The following RPS6KA2 variants were observed in gnomAD, a reference collection of about 807,000 sequenced individuals.
RPS6KA2 encodes the protein ribosomal protein S6 kinase alpha-2.
RPS6KA2 carries 42 observed loss-of-function variants against 91.8 expected under a neutral mutation model. The observed-to-expected ratio is 0.46, with a 90% CI of 0.36 to 0.59. The LOEUF (loss-of-function observed/expected upper bound fraction) is 0.59, where lower values mean the gene tolerates loss of function less well. Among genes scored for constraint, RPS6KA2 ranks in the 20% least tolerant of loss-of-function variants. RPS6KA2 has a pLI of 0.00. For synonymous variants in RPS6KA2, 414 were observed against 393.6 expected (o/e 1.05, Z -0.61); for missense variants, 798 against 978.5 (o/e 0.82, Z 2.46).
rs1466124609 is a variant in RPS6KA2, at chr6:166,418,908, GC to G, written c.1821-567del. Among the ~76,000 whole-genome samples the G allele has an allele frequency of 5.9e-5, 9 of 152,238 alleles. No individual in the cohort carries two copies. The highest frequency in any genetic ancestry group is 1.2e-4 in the Non-Finnish European group (8 of 68,038). On this transcript the variant is annotated intron_variant, in intron 18 of 20. Transcript: ENST00000265678. The surrounding 1 kb of genome is among the most constrained non-coding windows in gnomAD (Gnocchi z 4.9). ...CTAGGAAAGGAAGGACACGTGTGCTGCCAGCGCTTCCTCTAGTGGGAAAGTG... is the reference window on the plus strand; with the variant it reads ...CTAGGAAAGGAAGGACACGTGTGCTGCAGCGCTTCCTCTAGTGGGAAAGTG...
chr6:166,613,298 G>C (rs1306697244), intron 1 of RPS6KA2, among the ~76,000 whole-genome samples: 1 of 152,264 alleles, frequency 6.6e-6, no homozygotes, highest in East Asian at 1.9e-4. Context: ...AGAGCTAGGA[G>C]CAGTGCTGCT....
intron 3 of RPS6KA2, among the ~76,000 whole-genome samples, chr6:166,523,447 C>CG (rs1782925093): frequency 2.6e-5 from 4 of 152,202 alleles, no homozygotes; most frequent in Middle Eastern, 3.4e-3. Context: ...CTGGGGACCC[C>CG]AGGAGTTATC....
chr6:166,836,961 C>A (rs1780333819), intron 2 of RPS6KA2, among the ~76,000 whole-genome samples: 1 of 152,284 alleles, frequency 6.6e-6, no homozygotes, highest in Non-Finnish European at 1.5e-5. Flanking sequence ...CCCGCTCGGG[C>A]ACCTGCAGCT....
intron 2 of RPS6KA2, among the ~76,000 whole-genome samples, chr6:166,729,512 C>T (rs1455140751): frequency 2.0e-5 from 3 of 152,150 alleles, no homozygotes; most frequent in Non-Finnish European, 4.4e-5. Flanking sequence ...CTATACCCAG[C>T]TAATTTTTTT....
intron 2 of RPS6KA2, among the ~76,000 whole-genome samples, chr6:166,790,646 C>A (rs1178322740): frequency 6.6e-6 from 1 of 152,190 alleles, no homozygotes; most frequent in Non-Finnish European, 1.5e-5. Flanking sequence ...GGAAGCCCAT[C>A]ATACTAACAG....
At chr6:166,619,439 TAAC>T (rs1157213954) in intron 1 of RPS6KA2, among the ~76,000 whole-genome samples, 5 of 152,292 alleles carry the variant, frequency 3.3e-5, no homozygotes, top group African/African-American at 1.2e-4. Context: ...AGAGTTGCTT[TAAC>T]AAGTTACAGG....
Position 166,635,439 on chromosome 6 carries a change from G to A in RPS6KA2, c.124-96655C>T, listed in dbSNP as rs1379317565. ...ACGGGAGCCCCCAGAGGAGCCCTTA[G>A]TCTCGCAGATGACTGCTACATTCAC... On this transcript the variant is annotated intron_variant, in intron 2 of 21. Transcript: ENST00000503859. This position sits in a 1 kb window ranked among gnomAD's most constrained non-coding sequence, Gnocchi z 4.8. Among the ~76,000 whole-genome samples the A allele has an allele frequency of 6.6e-6, 1 of 152,240 alleles. No individual in the cohort carries two copies. Among genetic ancestry groups the A allele is most frequent in the Non-Finnish European group, 1.5e-5 (1 of 68,046 alleles).
upstream of RPS6KA2, chr6:166,627,658 A>T (rs1786945507): frequency 6.6e-6 from 1 of 152,180 alleles, no homozygotes; most frequent in Non-Finnish European, 1.5e-5. Context: ...GGCCCGGGAC[A>T]GCTCCCGGCC....
chr6:166,764,455 G>A (rs550177711), intron 2 of RPS6KA2, among the ~76,000 whole-genome samples: 6 of 152,074 alleles, frequency 3.9e-5, no homozygotes, highest in African/African-American at 1.4e-4. Flanking sequence ...CACGGGGCCC[G>A]CGCTTCCCTC....
intron 14 of RPS6KA2, among the ~76,000 whole-genome samples, chr6:166,441,474 A>G (rs1022684207): frequency 6.6e-6 from 1 of 152,246 alleles, no homozygotes; most frequent in African/African-American, 2.4e-5. Flanking sequence ...ACTCAGCTGC[A>G]CAGCCACCTC....
At position 166,552,549 on chromosome 6, in the gene RPS6KA2, C is replaced by T. The variant is rs3799628; in HGVS notation, c.100-13765G>A. Among the ~76,000 whole-genome samples, 408 of 152,116 alleles carry T rather than the reference C, an allele frequency of 2.7e-3. 4 individuals carry two copies. Among genetic ancestry groups the T allele is most frequent in the Admixed American group, 0.019 (292 of 15,286 alleles). On this transcript the variant is annotated intron_variant, in intron 1 of 20. Coordinates refer to ENST00000265678, the MANE Select transcript of RPS6KA2 (RefSeq NM_021135.6). Reference sequence around the variant, plus strand: ...TATAAAAGTTTTTTTTTTAAATCTACCCTAGCTTGAGGTTTGGTAAAATGC... The same window carrying T: ...TATAAAAGTTTTTTTTTTAAATCTATCCTAGCTTGAGGTTTGGTAAAATGC...
upstream of RPS6KA2, among the ~76,000 whole-genome samples, chr6:166,631,638 T>G (rs1345776356): frequency 6.6e-6 from 1 of 152,268 alleles, no homozygotes; most frequent in Non-Finnish European, 1.5e-5. Context: ...ACACAGATTT[T>G]TTTTCGTCCC....
chr6:166,800,791 A>G (rs1236416668), intron 2 of RPS6KA2, among the ~76,000 whole-genome samples: 1 of 152,114 alleles, frequency 6.6e-6, no homozygotes, highest in Admixed American at 6.5e-5. Flanking sequence ...CCTCAACTCA[A>G]TCGTTTCCTT....
chr6:166,453,392 C>T (rs536855457), intron 12 of RPS6KA2, among the ~76,000 whole-genome samples: 1 of 152,204 alleles, frequency 6.6e-6, no homozygotes, highest in Non-Finnish European at 1.5e-5. Context: ...CAAATAACCC[C>T]ATTAAAAATT....
At position 166,626,832 on chromosome 6, in the gene RPS6KA2, G is replaced by A; in HGVS notation, c.99+89C>T. 9.0e-7 allele frequency: 1 copy of A among 1,110,762 alleles called. No individual in the cohort carries two copies. Among genetic ancestry groups the A allele is most frequent in the East Asian group, 3.2e-5 (1 of 31,026 alleles). The allele number at this position is 1,110,762 out of a possible 1,614,324, so 68.8% of individuals were successfully genotyped here. A position where few individuals can be genotyped will look rare whatever the true frequency, so the allele number is the denominator to read the frequency against. ...AACTTGAACTCCCTGACGGGTCTCG[G>A]GGTCCACCCAGGGGTGGCGAGGCGG... On this transcript the variant is annotated intron_variant, in intron 1 of 20. Transcript: ENST00000265678. This position sits in a 1 kb window ranked among gnomAD's most constrained non-coding sequence, Gnocchi z 4.1.
exon 1 of RPS6KA2, chr6:166,862,483 C>A: frequency 1.3e-6 from 1 of 779,218 alleles, no homozygotes; most frequent in South Asian, 2.1e-5. Context: ...AAGGAGGGGA[C>A]GGCGCTGCGG....
chr6:166,770,846 A>T lies in RPS6KA2; in HGVS notation c.123+87354T>A. 6.3e-7 allele frequency: 1 copy of T among 1,582,112 alleles called. No individual in the cohort carries two copies. Among genetic ancestry groups the T allele is most frequent in the Non-Finnish European group, 8.5e-7 (1 of 1,175,522 alleles). On this transcript the variant is annotated intron_variant, in intron 2 of 21. Transcript: ENST00000503859. The surrounding 1 kb of genome is among the most constrained non-coding windows in gnomAD (Gnocchi z 5.1). Reference sequence around the variant, plus strand: ...CATAAGCATGGAAAAAAACAAACCCACAGGAACGCTTCTTACCTCTACGGA... The same window carrying T: ...CATAAGCATGGAAAAAAACAAACCCTCAGGAACGCTTCTTACCTCTACGGA...
chr6:166,574,206 G>A (rs1436391488), intron 1 of RPS6KA2, among the ~76,000 whole-genome samples: 2 of 152,186 alleles, frequency 1.3e-5, no homozygotes, highest in African/African-American at 4.8e-5. Flanking sequence ...GTGCAGGTTT[G>A]TTACGTGGGT....
In RPS6KA2 at chr6:166,648,154, A is replaced by ATG. The variant is rs367979837; in HGVS notation, c.124-109371_124-109370insCA. On this transcript the variant is annotated intron_variant, in intron 2 of 21. Coordinates refer to the RPS6KA2 transcript ENST00000503859. The surrounding 1 kb of genome is among the most constrained non-coding windows in gnomAD (Gnocchi z 4.8). ...CATACATGCACACACGCACATGGTTACACACCCATGCACACATGCTCACAC... is the reference window on the plus strand; with the variant it reads ...CATACATGCACACACGCACATGGTTATGCACACCCATGCACACATGCTCACAC... Among the ~76,000 whole-genome samples the ATG allele has an allele frequency of 1.3e-3, 96 of 73,104 alleles. No individual in the cohort carries two copies. The highest frequency in any genetic ancestry group is 5.5e-3 in the African/African-American group (93 of 16,852). 48.0% of individuals were successfully genotyped at this position (73,104 alleles called of 152,430 possible).
Sources: gnomAD v4.1 joint callset for allele counts (sites outside exome capture counted in the v4.1 genomes callset) on GRCh38, gnomAD v4.1.1 for gene constraint, Gnocchi (gnomAD v3.1) non-coding constraint, MANE v1.5 for transcripts, NCBI Gene and HGNC (gene_info 2026-07-23, HGNC 2026-07-21) for gene names.